GIGYF2: variants seen among roughly 807,000 people sequenced by gnomAD.
The protein encoded by GIGYF2 is GRB10-interacting GYF protein 2.
Under a neutral mutation model 208.1 loss-of-function variants are expected in GIGYF2, and 25 were observed. That is an observed-to-expected ratio of 0.12 (90% confidence interval 0.09 to 0.17). The LOEUF is 0.17. Among genes scored for constraint, GIGYF2 ranks in the 10% least tolerant of loss-of-function variants. The probability of loss-of-function intolerance (pLI) is 1.00; values close to 1 mark genes in which losing one functional copy is unlikely to be tolerated. For missense variants in GIGYF2, 1,302 were observed against 1,579.4 expected, an observed-to-expected ratio of 0.82 and a Z score of 2.98; for synonymous variants, 534 against 543.8, an observed-to-expected ratio of 0.98 and a Z score of 0.25.
intron 2 of GIGYF2, chr2:232,705,697 G>A (rs1018783894): frequency 6.6e-6 from 1 of 152,460 alleles, no homozygotes; most frequent in African/African-American, 2.4e-5. Context: ...GAGCCACCGT[G>A]TGTGGCCTTT....
At chr2:232,771,504 C>G (rs1035812053) in intron 8 of GIGYF2, 2 of 588,484 alleles carry the variant, frequency 3.4e-6, no homozygotes, top group South Asian at 5.2e-5. Flanking sequence ...CCAACTCTCT[C>G]GCTTTTCTCT....
At chr2:232,841,272 T>C (rs1170218600) in intron 23 of GIGYF2, among the ~76,000 whole-genome samples, 1 of 151,952 alleles carries the variant, frequency 6.6e-6, no homozygotes, top group Non-Finnish European at 1.5e-5. Context: ...CAGAAGTTAA[T>C]AATTATTTCA....
chr2:232,717,400 A>G lies in GIGYF2; in HGVS notation c.-44+13911A>G, dbSNP rs79057189. Among the ~76,000 whole-genome samples the G allele has an allele frequency of 5.1e-3, 781 of 152,282 alleles. 5 individuals carry two copies. The highest frequency in any genetic ancestry group is 0.018 in the African/African-American group (756 of 41,566). On this transcript the variant is annotated intron_variant, in intron 2 of 28. Transcript: ENST00000373563. Reference sequence around the variant, plus strand: ...TATAGTTCAATACATTTTTACATGTACATATACATGTATATGTACTTTTGT... The same window carrying G: ...TATAGTTCAATACATTTTTACATGTGCATATACATGTATATGTACTTTTGT...
chr2:232,707,821 A>T (rs1394118896), intron 2 of GIGYF2, among the ~76,000 whole-genome samples: 1 of 152,002 alleles, frequency 6.6e-6, no homozygotes, highest in Middle Eastern at 3.4e-3. Context: ...TATTTTTAGT[A>T]GAGACTGGGT....
intron 8 of GIGYF2, among the ~76,000 whole-genome samples, chr2:232,769,563 A>G (rs1159747906): frequency 1.3e-5 from 2 of 149,336 alleles, no homozygotes; most frequent in Non-Finnish European, 3.0e-5. Flanking sequence ...TTTGAAACGT[A>G]TTTTTAAACT....
chr2:232,729,962 A>G (rs1442816188), intron 2 of GIGYF2: 1 of 722,932 alleles, frequency 1.4e-6, no homozygotes. Flanking sequence ...CCACAGGACC[A>G]TACTTGACCA....
chr2:232,844,347 T>A (rs1396488477), intron 24 of GIGYF2, 22 bp from the exon 25 acceptor site: 6 of 1,612,002 alleles, frequency 3.7e-6, no homozygotes, highest in Non-Finnish European at 5.1e-6. Flanking sequence ...ACGATAATCA[T>A]TTTTCTCTTT....
intron 22 of GIGYF2, among the ~76,000 whole-genome samples, chr2:232,836,327 TA>T (rs1701623283): frequency 5.5e-5 from 1 of 18,284 alleles, no homozygotes; most frequent in African/African-American, 2.1e-4. Context: ...TATATATATA[TA>T]TACATATATA....
chr2:232,763,480 A>C (rs1304589849), intron 8 of GIGYF2, among the ~76,000 whole-genome samples: 1 of 152,154 alleles, frequency 6.6e-6, no homozygotes, highest in African/African-American at 2.4e-5. Context: ...TAAGATATTA[A>C]CAGTAATAAC....
intron 22 of GIGYF2, among the ~76,000 whole-genome samples, chr2:232,837,712 G>A (rs1701684339): frequency 1.3e-5 from 2 of 152,094 alleles, no homozygotes; most frequent in South Asian, 4.2e-4. Flanking sequence ...GCCTGCCTCG[G>A]CCTCCCAAAG....
In GIGYF2 at chr2:232,854,518, A is replaced by G. The variant is rs563789010; in HGVS notation, c.3833-2275A>G. ...TAAAAATACATATATATGTATATAT[A>G]TATAAACACTAAGGCTGTCACTATT... On this transcript the variant is annotated intron_variant, in intron 28 of 28. Transcript: ENST00000373563. Among the ~76,000 whole-genome samples the G allele has an allele frequency of 3.0e-4, 45 of 152,248 alleles. No homozygotes were observed. The South Asian group carries it at 8.3e-3, about 28-fold the overall frequency.
rs1224900305 is a variant in GIGYF2, at chr2:232,833,026, A to G, written c.2699A>G (p.Gln900Arg). 5.8e-6 allele frequency: 9 copies of G among 1,563,978 alleles called. No homozygotes were observed. The highest frequency in any genetic ancestry group is 1.2e-5 in the South Asian group (1 of 84,808). ...QRQKELMRQR[Q>R]QQQEALRRLQ... ...CAGAAGGAGTTAATGCGCCAGAGGC[A>G]GCAGCAGCAAGAGGCTCTCCGGAGG... Residue 900 changes from glutamine (Q) to arginine (R), a missense_variant, in exon 22 of 29, where the codon CAG (glutamine) becomes CGG (arginine). Around this residue, in one of 8 missense-constraint regions of GIGYF2, gnomAD observed 701 missense variants for 793.0 expected, o/e 0.88. Coordinates refer to ENST00000373563, the MANE Select transcript of GIGYF2 (RefSeq NM_001103146.3).
intron 3 of GIGYF2, among the ~76,000 whole-genome samples, chr2:232,743,206 C>A (rs1698033664): frequency 1.3e-5 from 2 of 152,152 alleles, no homozygotes; most frequent in Admixed American, 1.3e-4. Context: ...CAGGAGAAAC[C>A]AGGCACACTG....
intron 18 of GIGYF2, among the ~76,000 whole-genome samples, chr2:232,814,829 A>G (rs1700862875): frequency 6.6e-6 from 1 of 152,194 alleles, no homozygotes; most frequent in African/African-American, 2.4e-5. Flanking sequence ...ATATGCAGTC[A>G]AGTTCCTTTA....
At position 232,811,245 on chromosome 2, in the gene GIGYF2, C is replaced by T; in HGVS notation, c.1900C>T (p.Gln634Ter). 1 of 1,572,038 alleles carries T rather than the reference C, an allele frequency of 6.4e-7. No individual in the cohort carries two copies. The highest frequency in any genetic ancestry group is 8.8e-7 in the Non-Finnish European group (1 of 1,142,132). The change falls in exon 17 of 29, where the codon CAA becomes TAA. Residue 634 changes from glutamine (Q) to a stop codon, truncating the protein, a stop_gained and splice_region_variant. Coordinates refer to ENST00000373563, the MANE Select transcript of GIGYF2 (RefSeq NM_001103146.3). LOFTEE classifies it high-confidence loss of function. ...HLQYQQFLIQQQYAQVLAQQQ... is the reference protein window; with the variant it reads ...HLQYQQFLIQ ...TACTTTTTTTTTTACTTTTTGAAGA[C>T]AACAATATGCACAGGTTTTGGCCCA... is the stretch of plus-strand genomic sequence containing the variant.
intron 2 of GIGYF2, among the ~76,000 whole-genome samples, chr2:232,716,228 T>C (rs1016166310): frequency 6.6e-5 from 10 of 152,178 alleles, no homozygotes; most frequent in African/African-American, 1.2e-4. Context: ...TACTTAGCTG[T>C]TTTCTGACAT....
Position 232,858,505 on chromosome 2 carries a change from T to C in GIGYF2, c.*1645T>C, listed in dbSNP as rs1235617711. On this transcript the variant is annotated 3_prime_UTR_variant, in exon 29 of 29. Transcript: ENST00000373563. ...TCCTACTCTCCTTTGCTTTGTAAATTCAAAAGTTGGGGGTGGGTAAGAGGG... is the reference window on the plus strand; with the variant it reads ...TCCTACTCTCCTTTGCTTTGTAAATCCAAAAGTTGGGGGTGGGTAAGAGGG... 2.2e-6 allele frequency: 1 copy of C among 456,344 alleles called. No homozygotes were observed. Among genetic ancestry groups the C allele is most frequent in the Admixed American group, 2.4e-5 (1 of 42,550 alleles). The allele number at this position is 456,344 out of a possible 1,614,324, so 28.3% of individuals were successfully genotyped here. A position where few individuals can be genotyped will look rare whatever the true frequency, so the allele number is the denominator to read the frequency against.
intron 8 of GIGYF2, chr2:232,770,857 G>T (rs1553611526): frequency 7.2e-7 from 1 of 1,390,594 alleles, no homozygotes; most frequent in Non-Finnish European, 1.0e-6. Context: ...GTTTTGTTTT[G>T]TTTTGTTTTT....
At chr2:232,765,986 G>GA (rs1285646976) in intron 8 of GIGYF2, 2 of 471,116 alleles carry the variant, frequency 4.2e-6, no homozygotes, top group South Asian at 3.1e-5. Flanking sequence ...CCAGGTTAGT[G>GA]AGCTGCACAT....
Sources: allele counts gnomAD v4.1 joint callset (sites outside exome capture counted in the v4.1 genomes callset), GRCh38; gene constraint gnomAD v4.1.1; regional missense constraint gnomAD v4.1.1; transcripts MANE v1.5; gene names NCBI Gene and HGNC (gene_info 2026-07-23, HGNC 2026-07-21).